The following CEACAM7 variants were observed in gnomAD, a reference collection of about 807,000 sequenced individuals.
CEACAM7 encodes the protein CEA cell adhesion molecule 7.
CEACAM7 carries 24 observed loss-of-function variants against 25.7 expected under a neutral mutation model. The ratio of observed to expected loss-of-function variants is 0.93; its 90% confidence interval spans 0.68 to 1.31. CEACAM7 has a LOEUF of 1.31. CEACAM7 is among the 40% of genes most tolerant of loss of function. The pLI, the probability that CEACAM7 is intolerant of heterozygous loss-of-function variation, is 0.00. For missense variants in CEACAM7, 324 were observed against 330.1 expected, an observed-to-expected ratio of 0.98 and a Z score of 0.14; for synonymous variants, 144 against 129.4, an observed-to-expected ratio of 1.11 and a Z score of -0.77.
chr19:41,678,323 ATG>A (rs2072137692), intron 3 of CEACAM7, among the ~76,000 whole-genome samples: 1 of 108,988 alleles, frequency 9.2e-6, no homozygotes, highest in African/African-American at 3.1e-5. Context: ...GTATATGTAT[ATG>A]TATATGTATA....
chr19:41,682,112 A>G (rs2072181676), intron 3 of CEACAM7, among the ~76,000 whole-genome samples: 1 of 151,998 alleles, frequency 6.6e-6, no homozygotes, highest in African/African-American at 2.4e-5. Context: ...ATGTTTCGCT[A>G]ATTTTTTGGG....
intron 2 of CEACAM7, 130 bp from the exon 3 acceptor site, chr19:41,684,193 G>T: frequency 1.5e-5 from 14 of 939,366 alleles, no homozygotes; most frequent in Admixed American, 4.6e-5. Flanking sequence ...CAGAAGGTGT[G>T]TGTATCACAA....
chr19:41,683,192 T>G (rs1301086891), intron 3 of CEACAM7, among the ~76,000 whole-genome samples: 1 of 152,152 alleles, frequency 6.6e-6, no homozygotes, highest in African/African-American at 2.4e-5. Flanking sequence ...CAGTGGCCAA[T>G]TTGTGGGCAT....
At chr19:41,681,351 A>G (rs971013290) in intron 3 of CEACAM7, among the ~76,000 whole-genome samples, 3 of 152,228 alleles carry the variant, frequency 2.0e-5, no homozygotes. Context: ...GTGCAGCCAC[A>G]GTGGAAAATG....
At position 41,684,049 on chromosome 19, in the gene CEACAM7, G is replaced by C; in HGVS notation, c.442C>G (p.Pro148Ala). 3 of 1,614,090 alleles carry C rather than the reference G, an allele frequency of 1.9e-6. No homozygotes were observed. Among genetic ancestry groups the C allele is most frequent in the Non-Finnish European group, 2.5e-6 (3 of 1,180,006 alleles). ...QFYVFSEPPKPSITSNNFNPV... is the reference protein window; with the variant it reads ...QFYVFSEPPKASITSNNFNPV... ...TTGAAGTTGTTGCTGGTGATGGAGG[G>C]CTTGGGTGGCTCCGCTGTGCAGATA... Residue 148 changes from proline (P) to alanine (A), a missense_variant, in exon 3 of 5, where the codon CCC becomes GCC. Physicochemically the swap from Pro to Ala is conservative, Grantham distance 27 (BLOSUM62 -1). Coordinates refer to ENST00000401731, the MANE Select transcript of CEACAM7 (RefSeq NM_001291485.2).
At chr19:41,679,618 A>G (rs1170537218) in intron 3 of CEACAM7, among the ~76,000 whole-genome samples, 1 of 112,898 alleles carries the variant, frequency 8.9e-6, no homozygotes, top group Non-Finnish European at 2.1e-5. Context: ...ATCAGAAAGA[A>G]GTAAAATTAA....
At chr19:41,687,289 G>A in intron 1 of CEACAM7, 68 bp from the exon 2 acceptor site, 22 of 1,500,356 alleles carry the variant, frequency 1.5e-5, no homozygotes, top group Non-Finnish European at 2.0e-5. Context: ...TGGGGCCCTG[G>A]ATCCTGAGCA....
Position 41,673,938 on chromosome 19 carries a change from A to G in CEACAM7, c.*838T>C, listed in dbSNP as rs1253175155. 3 of 152,254 alleles carry G rather than the reference A, an allele frequency of 2.0e-5. No individual in the cohort carries two copies. The highest frequency in any genetic ancestry group is 6.5e-5 in the Admixed American group (1 of 15,286). The allele number at this position is 152,254 out of a possible 1,614,324, so 9.4% of individuals were successfully genotyped here. ...ACACCAAGAGTTTGAAGTATGATCC[A>G]TAGGCAGAGACCCCATGAACCAAAC... On this transcript the variant is annotated 3_prime_UTR_variant, in exon 5 of 5. Transcript: ENST00000401731.
At chr19:41,686,718 G>T in intron 2 of CEACAM7, 141 bp downstream of exon 2, 1 of 864,272 alleles carries the variant, frequency 1.2e-6, no homozygotes, top group Non-Finnish European at 1.8e-6. Flanking sequence ...TCTCCCCCAT[G>T]TGTGTCCTTC....
chr19:41,687,534 G>A (rs1269956318), intron 1 of CEACAM7, among the ~76,000 whole-genome samples: 1 of 152,186 alleles, frequency 6.6e-6, no homozygotes, highest in South Asian at 2.1e-4. Context: ...TGGGTGTTCC[G>A]TTTCTGACAT....
At chr19:41,677,526 G>A (rs557416318) in intron 3 of CEACAM7, 23 bp from the exon 4 acceptor site, 3 of 1,575,282 alleles carry the variant, frequency 1.9e-6, no homozygotes, top group Admixed American at 1.7e-5. Flanking sequence ...GAAAAGAGAA[G>A]GAATGAAGTT....
chr19:41,676,255 C>T (rs1191926003), intron 4 of CEACAM7, among the ~76,000 whole-genome samples: 1 of 152,200 alleles, frequency 6.6e-6, no homozygotes, highest in Non-Finnish European at 1.5e-5. Context: ...ATCAGTTGTT[C>T]TTTTAAAAAT....
intron 2 of CEACAM7, among the ~76,000 whole-genome samples, chr19:41,684,790 T>A (rs533684628): frequency 3.3e-5 from 5 of 152,122 alleles, no homozygotes; most frequent in Non-Finnish European, 7.4e-5. Flanking sequence ...GTGTGTTATG[T>A]TAGGAAATTT....
chr19:41,684,615 C>T (rs1416462393), intron 2 of CEACAM7, among the ~76,000 whole-genome samples: 5 of 152,072 alleles, frequency 3.3e-5, no homozygotes, highest in East Asian at 1.9e-4. Context: ...CAGCTCTACC[C>T]GGGTGTTTGA....
chr19:41,679,365 A>G (rs1340402841), intron 3 of CEACAM7, among the ~76,000 whole-genome samples: 1 of 152,194 alleles, frequency 6.6e-6, no homozygotes, highest in East Asian at 1.9e-4. Context: ...ACATTTGTCA[A>G]AATTCAACAT....
chr19:41,674,732 A>G lies in CEACAM7; in HGVS notation c.*44T>C, dbSNP rs1281305727. 1 of 189,028 alleles carries G rather than the reference A, an allele frequency of 5.3e-6. No homozygotes were observed. The highest frequency in any genetic ancestry group is 2.4e-5 in the African/African-American group (1 of 42,024). The allele number at this position is 189,028 out of a possible 1,614,324, so 11.7% of individuals were successfully genotyped here. A position where few individuals can be genotyped will look rare whatever the true frequency, so the allele number is the denominator to read the frequency against. On this transcript the variant is annotated 3_prime_UTR_variant, in exon 5 of 5. Transcript: ENST00000401731. Reference sequence around the variant, plus strand: ...GGGATTGAAGGAGCTAGAAGAATCCAGTCCAGTCTGCAGGTGGATAATAAA... The same window carrying G: ...GGGATTGAAGGAGCTAGAAGAATCCGGTCCAGTCTGCAGGTGGATAATAAA...
At position 41,674,650 on chromosome 19, in the gene CEACAM7, T is replaced by C; in HGVS notation, c.*126A>G. The C allele has an allele frequency of 2.9e-6, 1 of 344,540 alleles. No homozygotes were observed. The highest frequency in any genetic ancestry group is 2.4e-5 in the South Asian group (1 of 41,614). 21.3% of individuals were successfully genotyped at this position (344,540 alleles called of 1,614,324 possible). A position where few individuals can be genotyped will look rare whatever the true frequency, so the allele number is the denominator to read the frequency against. On this transcript the variant is annotated 3_prime_UTR_variant, in exon 5 of 5. Coordinates refer to ENST00000401731, the MANE Select transcript of CEACAM7 (RefSeq NM_001291485.2). ...TTACATTGAGTTGTCCACCTCCAGC[T>C]TATAGGTCTTCAGGAAGAGAGCAGG...
chr19:41,683,642 T>C (rs535755230), intron 3 of CEACAM7, 143 bp downstream of exon 3: 29 of 1,376,808 alleles, frequency 2.1e-5, no homozygotes, highest in South Asian at 4.1e-5. Context: ...CCAGGTTTGC[T>C]TGTGGCAGAA....
In CEACAM7 at chr19:41,683,846, T is replaced by C; in HGVS notation, c.645A>G (p.Glu215=). Residue 215 remains glutamate (E), a synonymous_variant, in exon 3 of 5, where the codon GAA becomes GAG. Coordinates refer to ENST00000401731, the MANE Select transcript of CEACAM7 (RefSeq NM_001291485.2). The stretch of plus-strand genomic sequence containing the variant: ...CACCCACTGGGTTCTGTATTTCACA[T>C]TCATAGGGTCCTATGTCATTCTTTG... ...SATKNDIGPY[E]CEIQNPVGAS... 1 of 1,614,216 alleles carries C rather than the reference T, an allele frequency of 6.2e-7. No individual in the cohort carries two copies. The highest frequency in any genetic ancestry group is 1.1e-5 in the South Asian group (1 of 91,084).
Sources: allele counts gnomAD v4.1 joint callset (sites outside exome capture counted in the v4.1 genomes callset), GRCh38; gene constraint gnomAD v4.1.1; transcripts MANE v1.5; gene names NCBI Gene and HGNC (gene_info 2026-07-23, HGNC 2026-07-21).